Variants in KSR2 observed in about 807,000 individuals in gnomAD.
KSR2 encodes the protein kinase suppressor of ras 2.
Under a neutral mutation model 107.8 loss-of-function variants are expected in KSR2, and 25 were observed. The ratio of observed to expected loss-of-function variants is 0.23; its 90% CI spans 0.17 to 0.32. The LOEUF (loss-of-function observed/expected upper bound fraction) is 0.32. Among genes scored for constraint, KSR2 ranks in the 10% least tolerant of loss-of-function variants. The pLI is 1.00. For missense variants in KSR2, 887 were observed against 1,268.9 expected (o/e 0.70, Z 4.57); for synonymous variants, 480 against 507.0 (o/e 0.95, Z 0.71).
At chr12:117,749,059 C>T (rs1888516642) in intron 4 of KSR2, among the ~76,000 whole-genome samples, 1 of 147,438 alleles carries the variant, frequency 6.8e-6, no homozygotes, top group African/African-American at 2.6e-5. Flanking sequence ...TTCCCAAGGA[C>T]AACACCAAGC....
chr12:117,908,806 C>T (rs1566077588), intron 1 of KSR2, among the ~76,000 whole-genome samples: 1 of 152,132 alleles, frequency 6.6e-6, no homozygotes, highest in Non-Finnish European at 1.5e-5. Context: ...CTCAAGTTTC[C>T]ACCGTGAGTC....
intron 1 of KSR2, among the ~76,000 whole-genome samples, chr12:117,904,921 C>T (rs1459900113): frequency 6.6e-6 from 1 of 152,196 alleles, no homozygotes; most frequent in African/African-American, 2.4e-5. Flanking sequence ...GTGGCTCACA[C>T]CTGTAATCCC....
At chr12:117,902,904 A>C (rs1354368873) in intron 1 of KSR2, among the ~76,000 whole-genome samples, 1 of 152,192 alleles carries the variant, frequency 6.6e-6, no homozygotes, top group Non-Finnish European at 1.5e-5. Flanking sequence ...TCCTGACTTT[A>C]CTGTCTATGA....
intron 14 of KSR2, among the ~76,000 whole-genome samples, chr12:117,504,952 C>T (rs760730660): frequency 6.6e-6 from 1 of 152,164 alleles, no homozygotes; most frequent in African/African-American, 2.4e-5. Context: ...TATTATATCA[C>T]TCTGTATGCC....
At chr12:117,878,626 A>C (rs576448645) in intron 1 of KSR2, among the ~76,000 whole-genome samples, 1 of 152,284 alleles carries the variant, frequency 6.6e-6, no homozygotes, top group Admixed American at 6.5e-5. Context: ...CCAGAGAGAC[A>C]TGCTGCTGGG....
intron 1 of KSR2, among the ~76,000 whole-genome samples, chr12:117,875,566 G>A (rs1893815234): frequency 6.6e-6 from 1 of 152,060 alleles, no homozygotes; most frequent in Admixed American, 6.6e-5. Context: ...AAAGAGGCAG[G>A]CTCCAGAGCC....
intron 3 of KSR2, among the ~76,000 whole-genome samples, chr12:117,843,494 T>C (rs1892575178): frequency 6.6e-6 from 1 of 152,176 alleles, no homozygotes; most frequent in Non-Finnish European, 1.5e-5. Context: ...CACCCGTGTT[T>C]CCAGAATCCC....
At chr12:117,708,885 A>G (rs1361848586) in intron 4 of KSR2, among the ~76,000 whole-genome samples, 4 of 152,142 alleles carry the variant, frequency 2.6e-5, no homozygotes, top group Non-Finnish European at 5.9e-5. Context: ...AACCACACAT[A>G]TTTATGACCT....
At chr12:117,904,958 G>C (rs1393343472) in intron 1 of KSR2, among the ~76,000 whole-genome samples, 2 of 152,162 alleles carry the variant, frequency 1.3e-5, no homozygotes, top group African/African-American at 2.4e-5. Flanking sequence ...AAGGCAGGTG[G>C]ATCACCTGAG....
At chr12:117,520,208 C>G (rs1874658823) in intron 14 of KSR2, among the ~76,000 whole-genome samples, 1 of 152,196 alleles carries the variant, frequency 6.6e-6, no homozygotes, top group Non-Finnish European at 1.5e-5. Context: ...ATGATTTGGG[C>G]AAGGGCTCCC....
chr12:117,845,875 A>G (rs1892686101), intron 3 of KSR2, among the ~76,000 whole-genome samples: 1 of 151,330 alleles, frequency 6.6e-6, no homozygotes, highest in Non-Finnish European at 1.5e-5. Flanking sequence ...TTTTCAGTAG[A>G]GATGGGGTTT....
chr12:117,616,161 GA>G (rs10632275), intron 5 of KSR2, among the ~76,000 whole-genome samples: 2,804 of 114,190 alleles, frequency 0.025, 87 homozygotes, highest in African/African-American at 0.073. Context: ...ACCCTGTCTC[GA>G]AAAAAAAAAA....
At position 117,456,722 on chromosome 12, in the gene KSR2, G is replaced by A. The variant is rs1422981283; in HGVS notation, c.*10477C>T. 1.1e-4 allele frequency: 16 copies of A among 152,122 alleles called. No homozygotes were observed. Among genetic ancestry groups the A allele is most frequent in the Admixed American group, 1.0e-3 (16 of 15,272 alleles). 9.4% of individuals were successfully genotyped at this position (152,122 alleles called of 1,614,324 possible). ...ATCCTGGGACTGCCGGAAGCTCCAG[G>A]GATTTGATTCTAGGGGTAAAACAGC... On this transcript the variant is annotated 3_prime_UTR_variant, in exon 20 of 20. Coordinates refer to ENST00000339824, the MANE Select transcript of KSR2 (RefSeq NM_173598.6).
intron 1 of KSR2, among the ~76,000 whole-genome samples, chr12:117,951,702 C>T (rs1379302635): frequency 6.6e-6 from 1 of 152,146 alleles, no homozygotes; most frequent in Non-Finnish European, 1.5e-5. Flanking sequence ...CATCTCTTGT[C>T]TCTACCTGCT....
intron 1 of KSR2, among the ~76,000 whole-genome samples, chr12:117,860,849 T>C (rs1241269910): frequency 6.6e-6 from 1 of 151,940 alleles, no homozygotes; most frequent in African/African-American, 2.4e-5. Flanking sequence ...CTCCCAAGTA[T>C]CTGGGATTAC....
chr12:117,499,227 T>C (rs1007987667), intron 14 of KSR2, among the ~76,000 whole-genome samples: 2 of 152,244 alleles, frequency 1.3e-5, no homozygotes, highest in African/African-American at 4.8e-5. Flanking sequence ...TGTACACATA[T>C]ATCACCTAAT....
chr12:117,613,043 T>C (rs887013161), intron 5 of KSR2, among the ~76,000 whole-genome samples: 3 of 152,206 alleles, frequency 2.0e-5, no homozygotes, highest in African/African-American at 7.2e-5. Flanking sequence ...CAGTCTCTGG[T>C]AGTATCTTTA....
At chr12:117,631,690 A>G (rs997309809) in intron 5 of KSR2, among the ~76,000 whole-genome samples, 2 of 152,118 alleles carry the variant, frequency 1.3e-5, no homozygotes, top group Non-Finnish European at 2.9e-5. Context: ...TCCAAATGAA[A>G]CCCCAGTGTT....
chr12:117,666,089 C>G (rs1436848401), intron 5 of KSR2, among the ~76,000 whole-genome samples: 1 of 152,108 alleles, frequency 6.6e-6, no homozygotes, highest in African/African-American at 2.4e-5. Flanking sequence ...TTTTAGTTTG[C>G]TTGATTTAGA....
Sources: gnomAD v4.1 joint callset for allele counts (sites outside exome capture counted in the v4.1 genomes callset) on GRCh38, gnomAD v4.1.1 for gene constraint, MANE v1.5 for transcripts, NCBI Gene and HGNC (gene_info 2026-07-23, HGNC 2026-07-21) for gene names.